The following CALCRL variants were observed in gnomAD, a reference collection of about 807,000 sequenced individuals.
CALCRL encodes the protein calcitonin gene-related peptide type 1 receptor.
A neutral mutation model predicts 60.4 loss-of-function variants in CALCRL; 27 were observed. The ratio of observed to expected loss-of-function variants is 0.45; its 90% CI spans 0.33 to 0.62. The LOEUF (loss-of-function observed/expected upper bound fraction) is 0.62. Among genes scored for constraint, CALCRL ranks in the 20% least tolerant of loss-of-function variants. CALCRL has a pLI of 0.03. For missense variants in CALCRL, 424 were observed against 540.7 expected (o/e 0.78, Z 2.14); for synonymous variants, 190 against 182.6 (o/e 1.04, Z -0.33).
intron 1 of CALCRL, among the ~76,000 whole-genome samples, chr2:187,410,885 C>T (rs1230647039): frequency 1.3e-5 from 2 of 150,580 alleles, no homozygotes; most frequent in African/African-American, 2.4e-5. Context: ...GTGTTGGTGT[C>T]GGGGCAGGGG....
At chr2:187,385,136 A>G (rs574736327) in intron 4 of CALCRL, among the ~76,000 whole-genome samples, 39 of 152,314 alleles carry the variant, frequency 2.6e-4, no homozygotes, top group Middle Eastern at 3.4e-3. Context: ...TTGCCTTGCA[A>G]TCAAGATATG....
intron 1 of CALCRL, among the ~76,000 whole-genome samples, chr2:187,411,580 A>G (rs1370419711): frequency 6.6e-6 from 1 of 152,186 alleles, no homozygotes; most frequent in Non-Finnish European, 1.5e-5. Context: ...GGATACCTAG[A>G]TAAATGCTAA....
intron 1 of CALCRL, among the ~76,000 whole-genome samples, chr2:187,411,011 G>C (rs1313217136): frequency 6.6e-6 from 1 of 152,100 alleles, no homozygotes; most frequent in Non-Finnish European, 1.5e-5. Flanking sequence ...ATTTTGTCTG[G>C]TGGGTGACAG....
At chr2:187,396,427 C>T (rs6753145) in intron 1 of CALCRL, among the ~76,000 whole-genome samples, 6,300 of 151,788 alleles carry the variant, frequency 0.042, 421 homozygotes, top group African/African-American at 0.14. Flanking sequence ...ATCATTGGAA[C>T]AGGCTTAATG....
chr2:187,441,177 CAT>C (rs1187900499), intron 1 of CALCRL, among the ~76,000 whole-genome samples: 3 of 151,930 alleles, frequency 2.0e-5, no homozygotes, highest in African/African-American at 7.3e-5. Context: ...CCAAGGAAAA[CAT>C]AAAATTGCGA....
At chr2:187,425,203 T>C (rs2105881155) in intron 1 of CALCRL, among the ~76,000 whole-genome samples, 1 of 152,046 alleles carries the variant, frequency 6.6e-6, no homozygotes, top group Non-Finnish European at 1.5e-5. Flanking sequence ...AGATTATAGA[T>C]TTTTCTCACA....
intron 1 of CALCRL, among the ~76,000 whole-genome samples, chr2:187,436,052 G>A (rs1690630898): frequency 6.6e-6 from 1 of 151,926 alleles, no homozygotes; most frequent in African/African-American, 2.4e-5. Context: ...AAAATGGGAA[G>A]TATTACATAC....
chr2:187,358,211 C>A (rs1271234962), intron 12 of CALCRL, among the ~76,000 whole-genome samples: 1 of 151,780 alleles, frequency 6.6e-6, no homozygotes, highest in East Asian at 1.9e-4. Flanking sequence ...TAAAAATTAT[C>A]CAAGCATAGT....
At chr2:187,438,573 A>C (rs913553247) in intron 1 of CALCRL, among the ~76,000 whole-genome samples, 17 of 151,464 alleles carry the variant, frequency 1.1e-4, no homozygotes, top group African/African-American at 4.1e-4. Context: ...TAGGCTCTTT[A>C]GTGCTATTGT....
At chr2:187,423,644 C>A (rs1452495974) in intron 1 of CALCRL, among the ~76,000 whole-genome samples, 1 of 151,856 alleles carries the variant, frequency 6.6e-6, no homozygotes, top group Non-Finnish European at 1.5e-5. Flanking sequence ...GACAGGGAAA[C>A]CTATGTATCC....
At chr2:187,418,842 T>G (rs995236140) in intron 1 of CALCRL, among the ~76,000 whole-genome samples, 1 of 146,450 alleles carries the variant, frequency 6.8e-6, no homozygotes, top group Admixed American at 6.9e-5. Context: ...GAAACTTGTG[T>G]TTTTTTTTCT....
chr2:187,426,241 T>TA lies in CALCRL; in HGVS notation c.-293+21797dup, dbSNP rs1553515506. ...TGAAGTTATGGTGTCTGTCATTTAT[T>TA]ATTTTTTTTTTTTGCAGACGTGTGC... On this transcript the variant is annotated intron_variant, in intron 1 of 14. Transcript: ENST00000392370. 2.1e-3 allele frequency among the ~76,000 whole-genome samples: 267 copies of TA among 129,118 alleles called. 4 individuals are homozygous for TA. Among genetic ancestry groups the TA allele is most frequent in the African/African-American group, 6.6e-3 (256 of 38,702 alleles). 84.7% of individuals were successfully genotyped at this position (129,118 alleles called of 152,430 possible). A position where few individuals can be genotyped will look rare whatever the true frequency, so the allele number is the denominator to read the frequency against.
intron 12 of CALCRL, among the ~76,000 whole-genome samples, chr2:187,357,439 T>C (rs994607509): frequency 1.7e-5 from 2 of 114,906 alleles, no homozygotes; most frequent in African/African-American, 6.9e-5. Context: ...CACTCATAAG[T>C]GGGAGTTGAA....
intron 1 of CALCRL, among the ~76,000 whole-genome samples, chr2:187,393,396 C>T (rs1688529426): frequency 6.6e-6 from 1 of 152,126 alleles, no homozygotes; most frequent in Non-Finnish European, 1.5e-5. Flanking sequence ...ACTAGCCAGA[C>T]TATTTTAAAA....
chr2:187,380,367 G>T (rs1687934057), intron 7 of CALCRL, 100 bp downstream of exon 7: 3 of 655,138 alleles, frequency 4.6e-6, no homozygotes, highest in South Asian at 2.1e-5. Context: ...CTTTATAAGG[G>T]AATGGAATAA....
chr2:187,378,007 G>A (rs563343045), intron 8 of CALCRL, among the ~76,000 whole-genome samples: 7 of 151,338 alleles, frequency 4.6e-5, no homozygotes, highest in Non-Finnish European at 8.9e-5. Flanking sequence ...AGAAGGAGGG[G>A]TAGGAAGAGG....
chr2:187,421,771 C>G (rs528825845), intron 1 of CALCRL, among the ~76,000 whole-genome samples: 12 of 152,318 alleles, frequency 7.9e-5, no homozygotes, highest in African/African-American at 2.9e-4. Flanking sequence ...CTTCAGCTGT[C>G]TAGAAGCTCC....
chr2:187,432,304 ACT>A (rs1264637425), intron 1 of CALCRL, among the ~76,000 whole-genome samples: 1 of 152,128 alleles, frequency 6.6e-6, no homozygotes, highest in Non-Finnish European at 1.5e-5. Flanking sequence ...GCATTTACAC[ACT>A]GTTTGAATTT....
chr2:187,352,404 C>T, intron 12 of CALCRL, 72 bp from the exon 13 acceptor site: 1 of 813,110 alleles, frequency 1.2e-6, no homozygotes, highest in Non-Finnish European at 2.0e-6. Context: ...TCAAGTATCT[C>T]CAATTTTATA....
Sources: gnomAD v4.1 joint callset for allele counts (sites outside exome capture counted in the v4.1 genomes callset) on GRCh38, gnomAD v4.1.1 for gene constraint, MANE v1.5 for transcripts, NCBI Gene and HGNC (gene_info 2026-07-23, HGNC 2026-07-21) for gene names.